The following SLC24A2 variants were observed in gnomAD, a reference collection of about 807,000 sequenced individuals.
The protein encoded by SLC24A2 is solute carrier family 24 member 2.
Under a neutral mutation model 62.0 loss-of-function variants are expected in SLC24A2, and 36 were observed. That is an observed-to-expected ratio of 0.58 (90% CI 0.44 to 0.77). The LOEUF is 0.77. Among genes scored for constraint, SLC24A2 ranks in the 30% least tolerant of loss-of-function variants. SLC24A2 has a pLI of 0.00. For missense variants in SLC24A2, 846 were observed against 817.9 expected (o/e 1.03, Z -0.42); for synonymous variants, 358 against 294.0 (o/e 1.22, Z -2.23).
At chr9:20,295,917 A>T in the SLC24A2 span, among the ~76,000 whole-genome samples, 352 of 152,210 alleles carry the variant, frequency 2.3e-3, 2 homozygotes, top group African/African-American at 8.1e-3. Flanking sequence ...ATCTAAATCT[A>T]TATCCTTTTG....
At chr9:19,628,337 T>C (rs1367146465) in intron 2 of SLC24A2, among the ~76,000 whole-genome samples, 4 of 152,218 alleles carry the variant, frequency 2.6e-5, no homozygotes, top group Admixed American at 2.6e-4. Context: ...TAAAGGTTAA[T>C]CTTTCTTATT....
the SLC24A2 span, among the ~76,000 whole-genome samples, chr9:19,895,129 G>A: frequency 1.3e-5 from 2 of 152,062 alleles, no homozygotes; most frequent in African/African-American, 4.8e-5. Context: ...CCACTGGCAC[G>A]GTTTGAATAT....
intron 8 of SLC24A2, among the ~76,000 whole-genome samples, chr9:19,543,068 G>A (rs1487701896): frequency 1.3e-5 from 2 of 151,728 alleles, no homozygotes; most frequent in African/African-American, 4.8e-5. Context: ...TCTGGTTCTG[G>A]ACTTTGGTAG....
intron 2 of SLC24A2, among the ~76,000 whole-genome samples, chr9:19,664,933 A>C (rs1263821192): frequency 6.6e-6 from 1 of 152,116 alleles, no homozygotes; most frequent in African/African-American, 2.4e-5. Context: ...TGACAGAATA[A>C]ATTTCTGTGG....
At chr9:20,290,041 C>T in the SLC24A2 span, among the ~76,000 whole-genome samples, 1 of 152,150 alleles carries the variant, frequency 6.6e-6, no homozygotes, top group Admixed American at 6.5e-5. Flanking sequence ...GAGCTCTTGC[C>T]CTCTGAGCCA....
the SLC24A2 span, among the ~76,000 whole-genome samples, chr9:19,979,724 A>G: frequency 6.6e-6 from 1 of 152,164 alleles, no homozygotes; most frequent in Non-Finnish European, 1.5e-5. Flanking sequence ...CCAATATCCT[A>G]AGGTAATCCT....
chr9:20,033,955 A>G, the SLC24A2 span, among the ~76,000 whole-genome samples: 2 of 152,232 alleles, frequency 1.3e-5, no homozygotes, highest in African/African-American at 4.8e-5. Flanking sequence ...CTTTCCTGCA[A>G]GAAGCCAAGA....
chr9:19,974,062 AGTCAAATT>A, the SLC24A2 span, among the ~76,000 whole-genome samples: 1 of 152,178 alleles, frequency 6.6e-6, no homozygotes, highest in Non-Finnish European at 1.5e-5. Flanking sequence ...CATAAGAGGA[AGTCAAATT>A]AGATTATGTA....
the SLC24A2 span, among the ~76,000 whole-genome samples, chr9:19,960,101 G>A: frequency 6.6e-6 from 1 of 152,222 alleles, no homozygotes. Context: ...CTTGAGGACA[G>A]AAGGAGTGGC....
chr9:19,766,510 A>C (rs1178877164), intron 2 of SLC24A2, among the ~76,000 whole-genome samples: 6 of 152,028 alleles, frequency 3.9e-5, no homozygotes, highest in Admixed American at 3.9e-4. Context: ...ATTGATGTTG[A>C]TGCTATTGCT....
chr9:19,834,866 C>T, the SLC24A2 span, among the ~76,000 whole-genome samples: 3 of 152,206 alleles, frequency 2.0e-5, no homozygotes, highest in African/African-American at 7.2e-5. Flanking sequence ...ATCAGACTAA[C>T]AGCGGATCTC....
chr9:19,680,906 GACC>G (rs1819703240), intron 2 of SLC24A2, among the ~76,000 whole-genome samples: 1 of 151,034 alleles, frequency 6.6e-6, no homozygotes, highest in Non-Finnish European at 1.5e-5. Context: ...CTCAGAATCT[GACC>G]ACTTCTGGAG....
the SLC24A2 span, among the ~76,000 whole-genome samples, chr9:20,232,063 C>T: frequency 2.0e-5 from 3 of 152,116 alleles, no homozygotes; most frequent in South Asian, 2.1e-4. Flanking sequence ...GTTGAACCAG[C>T]CTTGCATCCC....
the SLC24A2 span, among the ~76,000 whole-genome samples, chr9:20,295,750 A>G: frequency 1.3e-5 from 2 of 152,162 alleles, no homozygotes; most frequent in Admixed American, 6.6e-5. Flanking sequence ...TTGGACAGAG[A>G]GTTACACCAT....
At chr9:19,758,599 C>G (rs10811238) in intron 2 of SLC24A2, among the ~76,000 whole-genome samples, 110,951 of 152,010 alleles carry the variant, frequency 0.73, 40,741 homozygotes, top group East Asian at 0.8. Context: ...TGCTATAAAG[C>G]AACAAGAGAT....
the SLC24A2 span, among the ~76,000 whole-genome samples, chr9:19,801,459 G>A: frequency 6.6e-6 from 1 of 152,180 alleles, no homozygotes; most frequent in Non-Finnish European, 1.5e-5. Flanking sequence ...CAAAAGCTCA[G>A]CTCGAGCCAT....
chr9:20,042,061 G>C, the SLC24A2 span, among the ~76,000 whole-genome samples: 1 of 152,220 alleles, frequency 6.6e-6, no homozygotes, highest in Non-Finnish European at 1.5e-5. Flanking sequence ...CATTTGCCTG[G>C]TACTTCCTGG....
chr9:20,194,998 T>C, the SLC24A2 span, among the ~76,000 whole-genome samples: 23 of 152,206 alleles, frequency 1.5e-4, no homozygotes, highest in Admixed American at 1.4e-3. Flanking sequence ...CCGTAAACCA[T>C]GTAAATTAGT....
At chr9:19,790,192 T>C (rs1249263784), upstream of SLC24A2, among the ~76,000 whole-genome samples, 1 of 152,136 alleles carries the variant, frequency 6.6e-6, no homozygotes, top group Non-Finnish European at 1.5e-5. Context: ...AGCCTCAGAC[T>C]CCCAAGTGCT....
Sources: allele counts gnomAD v4.1 joint callset (sites outside exome capture counted in the v4.1 genomes callset), GRCh38; gene constraint gnomAD v4.1.1; transcripts MANE v1.5; gene names NCBI Gene and HGNC (gene_info 2026-07-23, HGNC 2026-07-21).